HINT1: variants seen among roughly 807,000 people sequenced by gnomAD.
The protein encoded by HINT1 is histidine triad nucleotide binding protein 1.
In HINT1, 12 loss-of-function variants were observed where a neutral mutation model predicts 11.2. The ratio of observed to expected loss-of-function variants is 1.07; its 90% confidence interval spans 0.69 to 1.74. The LOEUF is 1.74. Among genes scored for constraint, HINT1 ranks in the 40% most tolerant of loss-of-function variants. The pLI, the probability that HINT1 is intolerant of heterozygous loss-of-function variation, is 0.00. For missense variants in HINT1, 150 were observed against 161.8 expected (o/e 0.93, Z 0.40); for synonymous variants, 42 against 52.6 (o/e 0.80, Z 0.87).
Position 131,159,567 on chromosome 5 carries a change from A to C in HINT1, c.261T>G (p.Asp87Glu). 6.2e-7 allele frequency: 1 copy of C among 1,613,850 alleles called. No homozygotes were observed. The highest frequency in any genetic ancestry group is 8.5e-7 in the Non-Finnish European group (1 of 1,179,818). The change falls in exon 3 of 3, where the codon GAT becomes GAG. Residue 87 changes from aspartate to glutamate, a missense_variant. By Grantham distance (45) the Asp-to-Glu change is conservative (BLOSUM62 2). Coordinates refer to ENST00000304043, the MANE Select transcript of HINT1 (RefSeq NM_005340.7). ...LMIVGKKCAADLGLNKGYRMV... is the reference protein window; with the variant it reads ...LMIVGKKCAAELGLNKGYRMV... ...TTCGATAACCCTTATTCAGGCCCAG[A>C]TCAGCAGCACATTTCTTGCCAACAA...
intron 2 of HINT1, among the ~76,000 whole-genome samples, chr5:131,161,256 A>T (rs927301286): frequency 2.6e-5 from 4 of 152,212 alleles, no homozygotes; most frequent in Non-Finnish European, 5.9e-5. Flanking sequence ...CATTTGAGTA[A>T]GAAGCTCTGA....
At chr5:131,162,500 A>T (rs1755280166) in intron 2 of HINT1, 72 bp downstream of exon 2, 1 of 1,598,442 alleles carries the variant, frequency 6.3e-7, no homozygotes, top group Non-Finnish European at 8.5e-7. Context: ...AAAATGTGAC[A>T]GCACTTTAAG....
chr5:131,165,161 G>A lies in HINT1; in HGVS notation c.45C>T (p.Gly15=), dbSNP rs1192141428. 3 of 1,611,418 alleles carry A rather than the reference G, an allele frequency of 1.9e-6. No individual in the cohort carries two copies. Among genetic ancestry groups the A allele is most frequent in the East Asian group, 4.5e-5 (2 of 44,880 alleles). ...IAKAQVARPG[G]DTIFGKIIRK... ...GGATGATCTTCCCAAAGATCGTGTC[G>A]CCACCAGGCCGAGCGACCTGAGCCT... The change falls in exon 1 of 3, where the codon GGC becomes GGT. Residue 15 remains glycine (G), a synonymous_variant. Transcript: ENST00000304043.
intron 2 of HINT1, among the ~76,000 whole-genome samples, chr5:131,161,658 T>C (rs894652263): frequency 3.3e-5 from 5 of 151,916 alleles, no homozygotes; most frequent in Non-Finnish European, 5.9e-5. Context: ...TATAAGACGG[T>C]ATTTTACCAT....
chr5:131,162,393 G>T, intron 2 of HINT1, 179 bp downstream of exon 2: 1 of 1,232,176 alleles, frequency 8.1e-7, no homozygotes, highest in Non-Finnish European at 1.2e-6. Context: ...CATTGCTGGT[G>T]GGATACAAAA....
At chr5:131,162,433 C>T (rs1360566092) in intron 2 of HINT1, 139 bp downstream of exon 2, 5 of 1,530,534 alleles carry the variant, frequency 3.3e-6, no homozygotes, top group Non-Finnish European at 3.5e-6. Flanking sequence ...AACAGCTGGG[C>T]AGTTGAAGTC....
At chr5:131,160,706 G>A (rs1029439319) in intron 2 of HINT1, 1 of 1,233,454 alleles carries the variant, frequency 8.1e-7, no homozygotes, top group Non-Finnish European at 1.1e-6. Flanking sequence ...GACAAAAATT[G>A]TAAGTTGGGG....
At chr5:131,164,322 TAC>T (rs1319465855) in intron 1 of HINT1, among the ~76,000 whole-genome samples, 2 of 152,194 alleles carry the variant, frequency 1.3e-5, no homozygotes, top group Non-Finnish European at 2.9e-5. Context: ...CAACAAAAAC[TAC>T]AGTCTTAGTC....
At chr5:131,163,347 C>G (rs1755305412) in intron 1 of HINT1, among the ~76,000 whole-genome samples, 1 of 152,198 alleles carries the variant, frequency 6.6e-6, no homozygotes, top group South Asian at 2.1e-4. Context: ...CTCCAGATCT[C>G]CTGCAGGTCT....
chr5:131,162,092 G>A (rs375565198), intron 2 of HINT1: 31 of 301,068 alleles, frequency 1.0e-4, no homozygotes, highest in African/African-American at 2.2e-4. Context: ...TTGGGAGGCC[G>A]AGGCGGGCGG....
chr5:131,162,350 T>C (rs963569322), intron 2 of HINT1: 3 of 872,132 alleles, frequency 3.4e-6, no homozygotes. Flanking sequence ...TAGCAAGTGT[T>C]GATAAGGATA....
At chr5:131,160,071 C>G (rs746136911) in intron 2 of HINT1, among the ~76,000 whole-genome samples, 4 of 151,998 alleles carry the variant, frequency 2.6e-5, no homozygotes, top group Non-Finnish European at 5.9e-5. Context: ...CCAGGCTGGT[C>G]TCGAACTCCT....
At chr5:131,160,604 C>T in intron 2 of HINT1, 1 of 547,894 alleles carries the variant, frequency 1.8e-6, no homozygotes, top group Non-Finnish European at 2.4e-6. Flanking sequence ...GAGAGTCTTA[C>T]ATTTCTATTC....
Position 131,159,534 on chromosome 5 carries a change from C to A in HINT1, c.294G>T (p.Val98=). The A allele has an allele frequency of 6.2e-7, 1 of 1,613,854 alleles. No homozygotes were observed. Among genetic ancestry groups the A allele is most frequent in the East Asian group, 2.2e-5 (1 of 44,858 alleles). The change falls in exon 3 of 3, where the codon GTG becomes GTT. Residue 98 remains valine (V), a synonymous_variant. Coordinates refer to ENST00000304043, the MANE Select transcript of HINT1 (RefSeq NM_005340.7). ...ACTGTCCACCATCTGAACCTTCATT[C>A]ACCACCATTCGATAACCCTTATTCA... ...LGLNKGYRMV[V]NEGSDGGQSV... is the part of the protein sequence containing the mutation.
At chr5:131,164,147 A>G (rs1237647693) in intron 1 of HINT1, among the ~76,000 whole-genome samples, 1 of 152,126 alleles carries the variant, frequency 6.6e-6, no homozygotes, top group Non-Finnish European at 1.5e-5. Flanking sequence ...CTTAGATTTT[A>G]TATTTCCTAA....
chr5:131,162,869 A>C (rs1561537435), intron 1 of HINT1, among the ~76,000 whole-genome samples, 193 bp from the exon 2 acceptor site: 3 of 150,706 alleles, frequency 2.0e-5, no homozygotes, highest in East Asian at 1.9e-4. Context: ...ATGGAATCTC[A>C]CTCTGTCACC....
chr5:131,162,363 G>A (rs1218513453), intron 2 of HINT1: 1 of 947,220 alleles, frequency 1.1e-6, no homozygotes, highest in Non-Finnish European at 1.6e-6. Context: ...TAAGGATACG[G>A]AGAAGCTGGA....
chr5:131,159,614 G>A lies in HINT1; in HGVS notation c.217-3C>T, dbSNP rs1351028496. ...ACAATCATTAAGTGTCCAAGAAGCT[G>A]GAAAAGGAAAAAAAGTTTCTTAGGC... On this transcript the variant is annotated splice_polypyrimidine_tract_variant and splice_region_variant and intron_variant, in intron 2 of 2. Transcript: ENST00000304043. 11 of 1,599,734 alleles carry A rather than the reference G, an allele frequency of 6.9e-6. No homozygotes were observed. The highest frequency in any genetic ancestry group is 9.4e-6 in the Non-Finnish European group (11 of 1,173,112).
At position 131,162,844 on chromosome 5, in the gene HINT1, CT is replaced by C. The variant is rs1167577749; in HGVS notation, c.112-169del. 6.3e-3 allele frequency among the ~76,000 whole-genome samples: 928 copies of C among 146,406 alleles called. 14 individuals carry two copies. Among genetic ancestry groups the C allele is most frequent in the African/African-American group, 0.021 (845 of 40,172 alleles). Reference sequence around the variant, plus strand: ...GTGCCGTGGTCCTTTCCATGGAAGTCTTTTTTTTTTTGAGATGGAATCTCAC... The same window carrying C: ...GTGCCGTGGTCCTTTCCATGGAAGTCTTTTTTTTTTGAGATGGAATCTCAC... On this transcript the variant is annotated intron_variant, in intron 1 of 2. Transcript: ENST00000304043.
Sources: gnomAD v4.1 joint callset for allele counts (sites outside exome capture counted in the v4.1 genomes callset) on GRCh38, gnomAD v4.1.1 for gene constraint, MANE v1.5 for transcripts, NCBI Gene and HGNC (gene_info 2026-07-23, HGNC 2026-07-21) for gene names.